Variants in PALM2AKAP2 observed in about 807,000 individuals in gnomAD.
PALM2AKAP2 encodes the protein PALM2 and AKAP2 fusion, also known as PALM2-AKAP2 fusion protein.
PALM2AKAP2 carries 37 observed loss-of-function variants against 71.5 expected under a neutral mutation model. The ratio of observed to expected loss-of-function variants is 0.52; its 90% confidence interval spans 0.40 to 0.68. PALM2AKAP2 has a LOEUF of 0.68. Ranked by LOEUF, PALM2AKAP2 falls within the 30% of genes least tolerant of loss-of-function variation. The pLI is 0.00. For synonymous variants in PALM2AKAP2, 468 were observed against 478.8 expected (o/e 0.98, Z 0.29); for missense variants, 1,224 against 1,191.8 (o/e 1.03, Z -0.40).
chr9:109,815,126 T>C (rs1175297084), intron 1 of PALM2AKAP2, among the ~76,000 whole-genome samples: 2 of 152,070 alleles, frequency 1.3e-5, no homozygotes, highest in African/African-American at 4.8e-5. Flanking sequence ...ATGGATTTGA[T>C]AGTTATGTGG....
intron 1 of PALM2AKAP2, among the ~76,000 whole-genome samples, chr9:109,650,943 TG>T (rs1827216511): frequency 6.6e-6 from 1 of 152,222 alleles, no homozygotes; most frequent in South Asian, 2.1e-4. Flanking sequence ...CTTAGGAATG[TG>T]TATGGCAAAA....
intron 1 of PALM2AKAP2, among the ~76,000 whole-genome samples, chr9:109,646,254 A>C (rs1827152296): frequency 6.6e-6 from 1 of 152,308 alleles, no homozygotes; most frequent in Non-Finnish European, 1.5e-5. Flanking sequence ...TATGAGATCC[A>C]TGTGTTTGTA....
At chr9:110,099,997 T>G (rs982924977) in intron 1 of PALM2AKAP2, among the ~76,000 whole-genome samples, 6 of 135,090 alleles carry the variant, frequency 4.4e-5, no homozygotes, top group Non-Finnish European at 7.7e-5. Context: ...ACATATAACA[T>G]GCATATATAT....
At position 109,692,165 on chromosome 9, in the gene PALM2AKAP2, C is replaced by G. The variant is rs574663045; in HGVS notation, c.5+51299C>G. On this transcript the variant is annotated intron_variant, in intron 1 of 6. Transcript: ENST00000374531. ...GTAAGTCAATGGTTTTTACTATATT[C>G]ATAAAGTTGTGCAAAAATCACCATT... Among the ~76,000 whole-genome samples, 538 of 150,970 alleles carry G rather than the reference C, an allele frequency of 3.6e-3. 7 individuals are homozygous for G. Among genetic ancestry groups the G allele is most frequent in the African/African-American group, 0.012 (515 of 41,274 alleles).
intron 2 of PALM2AKAP2, among the ~76,000 whole-genome samples, chr9:110,155,930 C>T (rs1057350666): frequency 2.0e-5 from 3 of 152,190 alleles, no homozygotes; most frequent in African/African-American, 4.8e-5. Flanking sequence ...GAGCCTCAAG[C>T]GCTTTCATCT....
chr9:109,933,162 C>G (rs1831146434), intron 6 of PALM2AKAP2, among the ~76,000 whole-genome samples: 2 of 152,296 alleles, frequency 1.3e-5, no homozygotes, highest in South Asian at 4.1e-4. Context: ...CAATCCAGAG[C>G]CAGTTCCACA....
At chr9:109,652,789 T>C (rs1454420071) in intron 1 of PALM2AKAP2, among the ~76,000 whole-genome samples, 1 of 152,144 alleles carries the variant, frequency 6.6e-6, no homozygotes, top group African/African-American at 2.4e-5. Context: ...CACAATCTAA[T>C]GAGAAACATA....
chr9:109,967,233 A>T (rs1297120426), intron 6 of PALM2AKAP2, among the ~76,000 whole-genome samples: 1 of 152,086 alleles, frequency 6.6e-6, no homozygotes, highest in Non-Finnish European at 1.5e-5. Flanking sequence ...TCCATGTGGC[A>T]AGGGGCTCTT....
chr9:109,921,710 G>A (rs777359651), intron 3 of PALM2AKAP2, among the ~76,000 whole-genome samples: 12 of 152,170 alleles, frequency 7.9e-5, no homozygotes, highest in Non-Finnish European at 1.8e-4. Context: ...GGGTACATGT[G>A]GGCAAATAAG....
chr9:109,792,120 G>T (rs1827126659), intron 1 of PALM2AKAP2, among the ~76,000 whole-genome samples: 1 of 152,136 alleles, frequency 6.6e-6, no homozygotes. Flanking sequence ...TGGGCACCTT[G>T]GTGGGATCCA....
chr9:109,902,476 C>T (rs936237229), intron 3 of PALM2AKAP2, among the ~76,000 whole-genome samples: 14 of 152,306 alleles, frequency 9.2e-5, no homozygotes, highest in Middle Eastern at 3.4e-3. Context: ...TTACTGAGCC[C>T]CTGAAAGGCC....
In PALM2AKAP2 at chr9:110,138,021, G is replaced by A. The variant is rs1209432810; in HGVS notation, c.2051G>A (p.Arg684Lys). 1 of 1,613,852 alleles carries A rather than the reference G, an allele frequency of 6.2e-7. No individual in the cohort carries two copies. Among genetic ancestry groups the A allele is most frequent in the African/African-American group, 1.3e-5 (1 of 74,916 alleles). Residue 684 changes from arginine (R) to lysine (K), a missense_variant, in exon 2 of 4, where the codon AGG becomes AAG. Transcript: ENST00000374525. ...GATAAAGCTGTGTCCAAAACCAGCA[G>A]GGATGGAGCAGAGCAACAGGGACCT... is the stretch of plus-strand genomic sequence containing the variant.
intron 6 of PALM2AKAP2, among the ~76,000 whole-genome samples, chr9:110,006,099 G>A (rs145641506): frequency 0.019 from 2,826 of 152,222 alleles, 99 homozygotes; most frequent in African/African-American, 0.065. Context: ...TGCAGAAATC[G>A]TTTGTCTTCT....
chr9:109,966,408 C>T (rs1487767533), intron 6 of PALM2AKAP2, among the ~76,000 whole-genome samples: 2 of 152,240 alleles, frequency 1.3e-5, no homozygotes, highest in African/African-American at 4.8e-5. Flanking sequence ...GCCAGGTACC[C>T]TGCATTTAGT....
At chr9:109,641,538 G>T (rs1337253917) in intron 1 of PALM2AKAP2, among the ~76,000 whole-genome samples, 1 of 152,180 alleles carries the variant, frequency 6.6e-6, no homozygotes, top group Non-Finnish European at 1.5e-5. Flanking sequence ...TAAATAAAGG[G>T]CTCCGGTTGT....
intron 1 of PALM2AKAP2, among the ~76,000 whole-genome samples, chr9:109,811,420 C>T (rs188100531): frequency 2.1e-4 from 32 of 152,128 alleles, no homozygotes; most frequent in African/African-American, 7.5e-4. Context: ...CTTTATTTGA[C>T]TTAACAAACT....
At chr9:109,908,808 GCACACACACACA>G (rs59715039) in intron 3 of PALM2AKAP2, among the ~76,000 whole-genome samples, 4 of 150,116 alleles carry the variant, frequency 2.7e-5, no homozygotes, top group African/African-American at 9.8e-5. Context: ...GGATGCGTGT[GCACACACACACA>G]CACACACACA....
intron 6 of PALM2AKAP2, among the ~76,000 whole-genome samples, chr9:109,949,905 G>T (rs1327461646): frequency 7.9e-5 from 12 of 152,116 alleles, no homozygotes; most frequent in Non-Finnish European, 8.8e-5. Flanking sequence ...ACTTACTATG[G>T]TGCATTTGAG....
At chr9:110,154,654 T>A (rs946145503) in intron 2 of PALM2AKAP2, among the ~76,000 whole-genome samples, 3 of 152,228 alleles carry the variant, frequency 2.0e-5, no homozygotes, top group African/African-American at 7.2e-5. Context: ...ATTATTGTAC[T>A]GTTAATATCA....
Sources: allele counts gnomAD v4.1 joint callset (sites outside exome capture counted in the v4.1 genomes callset), GRCh38; gene constraint gnomAD v4.1.1; transcripts MANE v1.5; gene names NCBI Gene and HGNC (gene_info 2026-07-23, HGNC 2026-07-21).